KIZ: variants seen among roughly 807,000 people sequenced by gnomAD.
The protein encoded by KIZ is kizuna centrosomal protein.
KIZ carries 68 observed loss-of-function variants against 79.6 expected under a neutral mutation model. That is an observed-to-expected ratio of 0.85 (90% CI 0.70 to 1.05). KIZ has a LOEUF of 1.05. Among genes scored for constraint, KIZ ranks in the 50% least tolerant of loss-of-function variants. The probability of loss-of-function intolerance (pLI) is 0.00; values close to 1 mark genes in which losing one functional copy is unlikely to be tolerated. For synonymous variants in KIZ, 280 were observed against 281.8 expected (o/e 0.99, Z 0.06); for missense variants, 797 against 800.4 (o/e 1.00, Z 0.05).
At chr20:21,157,368 A>G (rs1043814587) in intron 4 of KIZ, among the ~76,000 whole-genome samples, 1 of 152,094 alleles carries the variant, frequency 6.6e-6, no homozygotes, top group African/African-American at 2.4e-5. Context: ...ATATTACTAG[A>G]GTTTGTTGAG....
At chr20:21,243,573 T>C (rs2037289177) in intron 11 of KIZ, among the ~76,000 whole-genome samples, 1 of 152,230 alleles carries the variant, frequency 6.6e-6, no homozygotes, top group Admixed American at 6.5e-5. Flanking sequence ...CGAGTGACAC[T>C]CCCTGAGGAG....
intron 7 of KIZ, among the ~76,000 whole-genome samples, chr20:21,212,912 T>C (rs2036127633): frequency 6.6e-6 from 1 of 152,200 alleles, no homozygotes; most frequent in African/African-American, 2.4e-5. Flanking sequence ...ATGGGAATAC[T>C]GAGCAAGTCA....
chr20:21,234,665 A>AT (rs1190194003), intron 11 of KIZ, among the ~76,000 whole-genome samples: 1 of 151,906 alleles, frequency 6.6e-6, no homozygotes, highest in African/African-American at 2.4e-5. Context: ...GAGAATAAAC[A>AT]TAACAGTGCA....
chr20:21,146,832 A>G (rs541418958), intron 4 of KIZ, among the ~76,000 whole-genome samples: 1 of 148,222 alleles, frequency 6.7e-6, no homozygotes, highest in African/African-American at 2.5e-5. Flanking sequence ...TTAAAAAATT[A>G]AAAAAAAAAC....
intron 4 of KIZ, among the ~76,000 whole-genome samples, chr20:21,153,542 T>A (rs1416505306): frequency 6.6e-6 from 1 of 152,230 alleles, no homozygotes; most frequent in Non-Finnish European, 1.5e-5. Flanking sequence ...ACTACATTTG[T>A]CATGGTGGCA....
At chr20:21,174,339 A>G (rs2034346123) in intron 6 of KIZ, among the ~76,000 whole-genome samples, 1 of 152,130 alleles carries the variant, frequency 6.6e-6, no homozygotes, top group African/African-American at 2.4e-5. Flanking sequence ...AACATATTGA[A>G]AGTCATAAAA....
At chr20:21,233,059 G>A in intron 11 of KIZ, 1 of 538,090 alleles carries the variant, frequency 1.9e-6, no homozygotes, top group East Asian at 3.2e-5. Flanking sequence ...AGACTCAATT[G>A]ACACCTCAGT....
intron 9 of KIZ, chr20:21,218,604 GTT>G (rs956625452): frequency 2.0e-5 from 3 of 152,170 alleles, no homozygotes; most frequent in Non-Finnish European, 4.4e-5. Flanking sequence ...TGAGCCTAGA[GTT>G]TCAGATAACT....
In KIZ at chr20:21,136,494, G is replaced by T. The variant is rs373803095; in HGVS notation, c.257G>T (p.Arg86Leu). ...CAAGAATATTTAAAGCGATTTGAGC[G>T]TGTCCAAGCTCATGTTGTACACTTC... ...RNQEYLKRFERVQAHVVHFTT... is the reference protein window; with the variant it reads ...RNQEYLKRFELVQAHVVHFTT... Residue 86 changes from arginine (R) to leucine (L), a missense_variant, in exon 3 of 13, where the codon CGT becomes CTT. By Grantham distance (102) the Arg-to-Leu change is moderately radical. Transcript: ENST00000619189. The T allele has an allele frequency of 6.0e-5, 96 of 1,600,846 alleles. No homozygotes were observed. The African/African-American group carries it at 1.2e-3, about 20-fold the overall frequency.
rs556672125 is a variant in KIZ at position 21,232,153 on chromosome 20, A to C, written c.1784-581A>C. On this transcript the variant is annotated intron_variant, in intron 10 of 12. Transcript: ENST00000619189. ...AGGCAAAGATCAGGGATTGCCCTGCAAACTGGGGGCATTGTGGGAATATCC... is the reference window on the plus strand; with the variant it reads ...AGGCAAAGATCAGGGATTGCCCTGCCAACTGGGGGCATTGTGGGAATATCC... 5.9e-5 allele frequency among the ~76,000 whole-genome samples: 9 copies of C among 152,322 alleles called. 1 individual carries two copies. The East Asian group carries it at 1.7e-3, about 29-fold the overall frequency.
At chr20:21,239,533 T>A (rs772740607) in intron 11 of KIZ, among the ~76,000 whole-genome samples, 1 of 152,210 alleles carries the variant, frequency 6.6e-6, no homozygotes, top group African/African-American at 2.4e-5. Flanking sequence ...AATTAAATAG[T>A]GGGTTTCTTG....
At chr20:21,205,912 G>A (rs1459232518) in intron 7 of KIZ, among the ~76,000 whole-genome samples, 1 of 150,262 alleles carries the variant, frequency 6.7e-6, no homozygotes, top group Non-Finnish European at 1.5e-5. Flanking sequence ...AGTGAGCCGA[G>A]ATCACGCCAC....
chr20:21,143,156 A>C (rs2032663674), intron 3 of KIZ, among the ~76,000 whole-genome samples: 1 of 152,178 alleles, frequency 6.6e-6, no homozygotes, highest in Admixed American at 6.5e-5. Context: ...GCTTAGTTGC[A>C]TCTCTCATAC....
At chr20:21,217,217 A>G (rs2036328209) in intron 9 of KIZ, among the ~76,000 whole-genome samples, 1 of 152,202 alleles carries the variant, frequency 6.6e-6, no homozygotes, top group Non-Finnish European at 1.5e-5. Flanking sequence ...CCAGTGTACT[A>G]TCCCCACCCA....
rs936167170 is a variant in KIZ at position 21,179,079 on chromosome 20, C to T, written c.1352+15920C>T. 2.0e-5 allele frequency among the ~76,000 whole-genome samples: 3 copies of T among 151,792 alleles called. No individual in the cohort carries two copies. In the East Asian group the frequency reaches 5.8e-4, roughly 29 times the overall value. On this transcript the variant is annotated intron_variant, in intron 6 of 12. Coordinates refer to ENST00000619189, the MANE Select transcript of KIZ (RefSeq NM_018474.6). ...GGTTTGGCATCAGGGTAATGCGGGCCTAATAAAATAAGTTTGGAAGTATTC... is the reference window on the plus strand; with the variant it reads ...GGTTTGGCATCAGGGTAATGCGGGCTTAATAAAATAAGTTTGGAAGTATTC...
chr20:21,232,686 G>A (rs2036872813), intron 10 of KIZ, 48 bp from the exon 11 acceptor site: 1 of 929,472 alleles, frequency 1.1e-6, no homozygotes, highest in Non-Finnish European at 1.7e-6. Flanking sequence ...TTTGTCCCAT[G>A]GCTGCATGAC....
At chr20:21,222,739 C>T (rs185092369) in intron 9 of KIZ, among the ~76,000 whole-genome samples, 43 of 152,296 alleles carry the variant, frequency 2.8e-4, no homozygotes, top group African/African-American at 9.9e-4. Flanking sequence ...CTTCACTTGG[C>T]CTTCTCTTCT....
chr20:21,167,707 A>G (rs4813415), intron 6 of KIZ, among the ~76,000 whole-genome samples: 151,328 of 151,976 alleles, frequency 1, 75,343 homozygotes, highest in Middle Eastern at 1. Flanking sequence ...GATTACAGGC[A>G]TGTGCCAGCA....
intron 4 of KIZ, among the ~76,000 whole-genome samples, chr20:21,153,825 T>C (rs1042313926): frequency 5.3e-5 from 8 of 152,062 alleles, no homozygotes; most frequent in African/African-American, 1.9e-4. Context: ...CTTCCTCTTA[T>C]AAGGACACCA....
Sources: allele counts gnomAD v4.1 joint callset (sites outside exome capture counted in the v4.1 genomes callset), GRCh38; gene constraint gnomAD v4.1.1; transcripts MANE v1.5; gene names NCBI Gene and HGNC (gene_info 2026-07-23, HGNC 2026-07-21).